ATP6V0D2: variants seen among roughly 807,000 people sequenced by gnomAD.
ATP6V0D2 encodes the protein V-type proton ATPase subunit d 2.
ATP6V0D2 carries 40 observed loss-of-function variants against 40.0 expected under a neutral mutation model. The observed-to-expected ratio is 1.00, with a 90% CI of 0.78 to 1.30. The LOEUF (loss-of-function observed/expected upper bound fraction) is 1.30. ATP6V0D2 is among the 50% of genes most tolerant of loss of function. The pLI is 0.00. For synonymous variants in ATP6V0D2, 179 were observed against 156.3 expected, an observed-to-expected ratio of 1.15 and a Z score of -1.08; for missense variants, 470 against 423.1, an observed-to-expected ratio of 1.11 and a Z score of -0.97.
rs1445803119 is a variant in ATP6V0D2 at position 86,150,135 on chromosome 8, T to C, written c.663T>C (p.Phe221=). The change falls in exon 6 of 8, where the codon TTT becomes TTC. Residue 221 remains phenylalanine (F), a synonymous_variant. Transcript: ENST00000285393. ...AGTTTGAGGCCGACAGACGTGCTTT[T>C]ATCATCACTCTTAACTCCTTTGGCA... ...ILEFEADRRA[F]IITLNSFGTE... is the part of the protein sequence containing the mutation. The C allele has an allele frequency of 6.2e-7, 1 of 1,612,846 alleles. No individual in the cohort carries two copies. Among genetic ancestry groups the C allele is most frequent in the East Asian group, 2.2e-5 (1 of 44,824 alleles).
At chr8:86,118,217 C>T (rs571352146) in intron 2 of ATP6V0D2, among the ~76,000 whole-genome samples, 4 of 143,178 alleles carry the variant, frequency 2.8e-5, no homozygotes, top group South Asian at 2.3e-4. Context: ...CACGCCACCA[C>T]GCCCAGCTAA....
intron 1 of ATP6V0D2, among the ~76,000 whole-genome samples, chr8:86,104,812 T>C (rs987537726): frequency 1.3e-5 from 2 of 149,588 alleles, no homozygotes; most frequent in Non-Finnish European, 3.0e-5. Flanking sequence ...TGCCTTATAT[T>C]AAAAAGACAT....
Position 86,129,982 on chromosome 8 carries a change from G to GAAAA in ATP6V0D2, c.303-9462_303-9459dup, listed in dbSNP as rs869058078. ...ACAGAGAGAGACCCTGTCTCGAAAA[G>GAAAA]AAAAAAAAAAAAAAAAGAAAAGAAA... On this transcript the variant is annotated intron_variant, in intron 2 of 7. Transcript: ENST00000285393. Among the ~76,000 whole-genome samples, 77 of 92,920 alleles carry GAAAA rather than the reference G, an allele frequency of 8.3e-4. 1 individual carries two copies. The highest frequency in any genetic ancestry group is 1.6e-3 in the African/African-American group (43 of 26,168). The allele number at this position is 92,920 out of a possible 152,430, so 61.0% of individuals were successfully genotyped here. A position where few individuals can be genotyped will look rare whatever the true frequency, so the allele number is the denominator to read the frequency against.
intron 2 of ATP6V0D2, among the ~76,000 whole-genome samples, chr8:86,122,430 C>A (rs544348269): frequency 6.6e-6 from 1 of 152,264 alleles, no homozygotes; most frequent in Non-Finnish European, 1.5e-5. Context: ...CCATTTACAG[C>A]CTTTGTGGTG....
At chr8:86,101,052 C>A (rs1818389699) in intron 1 of ATP6V0D2, among the ~76,000 whole-genome samples, 2 of 150,026 alleles carry the variant, frequency 1.3e-5, no homozygotes, top group African/African-American at 2.5e-5. Flanking sequence ...GAGGTTGAGG[C>A]AGGAGAATTT....
chr8:86,133,666 T>G (rs963331372), intron 2 of ATP6V0D2, among the ~76,000 whole-genome samples: 6 of 151,770 alleles, frequency 4.0e-5, no homozygotes, highest in African/African-American at 1.5e-4. Flanking sequence ...TCTAACCAAG[T>G]GCCATGGGAA....
chr8:86,113,763 C>G lies in ATP6V0D2; in HGVS notation c.185C>G (p.Thr62Arg), dbSNP rs1476065958. Residue 62 changes from threonine to arginine, a missense_variant, in exon 2 of 8, where the codon ACA becomes AGA. Thr to Arg is a moderately conservative substitution (Grantham distance 71). Transcript: ENST00000285393. ...TDYGNFLANHTNPLTVSKIDT... is the reference protein window; with the variant it reads ...TDYGNFLANHRNPLTVSKIDT... Reference sequence around the variant, plus strand: ...TATGGTAACTTTTTGGCTAATCACACAAATCCTCTTACTGTTTCCAAAATT... The same window carrying G: ...TATGGTAACTTTTTGGCTAATCACAGAAATCCTCTTACTGTTTCCAAAATT... 6.2e-7 allele frequency: 1 copy of G among 1,613,216 alleles called. No individual in the cohort carries two copies. The highest frequency in any genetic ancestry group is 1.7e-5 in the Admixed American group (1 of 59,914).
At chr8:86,139,089 A>G (rs930335894) in intron 2 of ATP6V0D2, among the ~76,000 whole-genome samples, 1 of 152,064 alleles carries the variant, frequency 6.6e-6, no homozygotes, top group African/African-American at 2.4e-5. Context: ...TTAGCTGGGT[A>G]TGGTGGTGAG....
intron 5 of ATP6V0D2, among the ~76,000 whole-genome samples, chr8:86,145,029 G>A (rs1024938974): frequency 2.6e-5 from 4 of 150,948 alleles, no homozygotes; most frequent in African/African-American, 9.8e-5. Flanking sequence ...TGAATGTGGT[G>A]GTGCACATCT....
intron 2 of ATP6V0D2, among the ~76,000 whole-genome samples, chr8:86,118,517 T>C (rs915118258): frequency 6.6e-6 from 1 of 152,148 alleles, no homozygotes; most frequent in African/African-American, 2.4e-5. Flanking sequence ...ACAGAACGTA[T>C]TCCTCCTCCC....
chr8:86,134,270 TAGG>T (rs1201571731), intron 2 of ATP6V0D2, among the ~76,000 whole-genome samples: 6 of 152,060 alleles, frequency 3.9e-5, no homozygotes, highest in Admixed American at 1.3e-4. Flanking sequence ...GAAGGAAAGC[TAGG>T]AGATTTTGTC....
chr8:86,131,721 G>A (rs1383155403), intron 2 of ATP6V0D2, among the ~76,000 whole-genome samples: 2 of 151,046 alleles, frequency 1.3e-5, no homozygotes, highest in Admixed American at 6.6e-5. Context: ...GGCTGGTCTC[G>A]AACTCCTGAC....
At chr8:86,107,543 A>C (rs1035945456) in intron 1 of ATP6V0D2, among the ~76,000 whole-genome samples, 2 of 152,222 alleles carry the variant, frequency 1.3e-5, no homozygotes, top group African/African-American at 4.8e-5. Context: ...GATTATTGTT[A>C]AAGTTAAGAG....
intron 1 of ATP6V0D2, among the ~76,000 whole-genome samples, chr8:86,103,994 T>G (rs1818435299): frequency 6.6e-6 from 1 of 151,902 alleles, no homozygotes; most frequent in Admixed American, 6.6e-5. Flanking sequence ...CCTGGCTAAT[T>G]TTTTGTATTT....
intron 2 of ATP6V0D2, among the ~76,000 whole-genome samples, chr8:86,130,502 A>T (rs954189238): frequency 6.6e-6 from 1 of 152,148 alleles, no homozygotes; most frequent in Non-Finnish European, 1.5e-5. Flanking sequence ...GAGTTTTTCT[A>T]ATCTCAGTGT....
intron 2 of ATP6V0D2, among the ~76,000 whole-genome samples, chr8:86,135,570 G>A (rs561044715): frequency 6.6e-6 from 1 of 152,320 alleles, no homozygotes; most frequent in South Asian, 2.1e-4. Context: ...TGTGAAGCTT[G>A]AGTGAGAGTG....
chr8:86,131,526 A>G (rs1166696674), intron 2 of ATP6V0D2, among the ~76,000 whole-genome samples: 1 of 151,398 alleles, frequency 6.6e-6, no homozygotes, highest in East Asian at 1.9e-4. Context: ...TTTGAGATGG[A>G]GTTTCACTTT....
At chr8:86,108,018 G>C (rs965416894) in intron 1 of ATP6V0D2, among the ~76,000 whole-genome samples, 11 of 152,306 alleles carry the variant, frequency 7.2e-5, no homozygotes, top group Admixed American at 2.0e-4. Flanking sequence ...TGGTTTAGAG[G>C]ATAAAAGCTG....
chr8:86,144,525 A>T (rs1819020138), intron 5 of ATP6V0D2, among the ~76,000 whole-genome samples: 1 of 152,232 alleles, frequency 6.6e-6, no homozygotes, highest in Admixed American at 6.5e-5. Flanking sequence ...ATGCTCTGAA[A>T]CTGCATATGA....
Sources: gnomAD v4.1 joint callset for allele counts (sites outside exome capture counted in the v4.1 genomes callset) on GRCh38, gnomAD v4.1.1 for gene constraint, MANE v1.5 for transcripts, NCBI Gene and HGNC (gene_info 2026-07-23, HGNC 2026-07-21) for gene names.